Variants in MRPL21 observed in about 807,000 individuals in gnomAD.
MRPL21 encodes mitochondrial ribosomal protein L21, also known as large ribosomal subunit protein bL21m.
A neutral mutation model predicts 27.3 loss-of-function variants in MRPL21; 20 were observed. The observed-to-expected ratio is 0.73, with a 90% CI of 0.52 to 1.06. MRPL21 has a LOEUF of 1.06. Among genes scored for constraint, MRPL21 ranks in the 50% least tolerant of loss-of-function variants. The probability of loss-of-function intolerance (pLI) is 0.00; values close to 1 mark genes in which losing one functional copy is unlikely to be tolerated. For synonymous variants in MRPL21, 98 were observed against 101.5 expected, an observed-to-expected ratio of 0.97 and a Z score of 0.21; for missense variants, 249 against 251.4, an observed-to-expected ratio of 0.99 and a Z score of 0.06.
At chr11:68,892,693 G>T in intron 6 of MRPL21, 197 bp downstream of exon 6, 1 of 1,523,772 alleles carries the variant, frequency 6.6e-7, no homozygotes, top group Non-Finnish European at 8.8e-7. Flanking sequence ...CGCGTGGAGC[G>T]TGGAGGAGAA....
chr11:68,893,272 T>C, intron 5 of MRPL21, 131 bp downstream of exon 5: 4 of 1,508,786 alleles, frequency 2.7e-6, no homozygotes, highest in Non-Finnish European at 3.6e-6. Flanking sequence ...TATTATTAAG[T>C]ATAAATGTTG....
intron 6 of MRPL21, 57 bp downstream of exon 6, chr11:68,892,833 T>C (rs1439687590): frequency 1.9e-6 from 3 of 1,584,076 alleles, no homozygotes; most frequent in Non-Finnish European, 2.6e-6. Context: ...TCCGTCCGCA[T>C]GCGCCTGGGC....
chr11:68,893,874 C>A (rs558814986), intron 4 of MRPL21, among the ~76,000 whole-genome samples: 2 of 152,246 alleles, frequency 1.3e-5, no homozygotes, highest in Admixed American at 6.5e-5. Context: ...GAGATGGAGA[C>A]CATCCTGGCT....
chr11:68,896,817 G>A (rs1190653399), intron 3 of MRPL21, 139 bp from the exon 4 acceptor site: 20 of 1,130,044 alleles, frequency 1.8e-5, no homozygotes, highest in African/African-American at 3.1e-5. Flanking sequence ...CACTGCTGGC[G>A]GCCCAGCCCC....
chr11:68,903,814 C>G lies in MRPL21; in HGVS notation c.-4G>C, dbSNP rs756279426. 6.2e-6 allele frequency: 10 copies of G among 1,612,612 alleles called. No homozygotes were observed. The East Asian group carries it at 2.0e-4, about 32-fold the overall frequency. Reference sequence around the variant, plus strand: ...CCGTCAGGGAAGATGCTGCCATGGCCGCAGCCTCGGCCGGAAACGGAAACG... The same window carrying G: ...CCGTCAGGGAAGATGCTGCCATGGCGGCAGCCTCGGCCGGAAACGGAAACG... On this transcript the variant is annotated 5_prime_UTR_variant, in exon 1 of 7. Coordinates refer to ENST00000362034, the MANE Select transcript of MRPL21 (RefSeq NM_181514.2).
At chr11:68,902,967 G>A (rs2154006233) in intron 1 of MRPL21, among the ~76,000 whole-genome samples, 1 of 152,230 alleles carries the variant, frequency 6.6e-6, no homozygotes, top group East Asian at 1.9e-4. Flanking sequence ...GTCTCTTCAT[G>A]ACTCATTTCT....
chr11:68,892,812 G>C, intron 6 of MRPL21, 78 bp downstream of exon 6: 1 of 1,566,112 alleles, frequency 6.4e-7, no homozygotes, highest in Non-Finnish European at 8.7e-7. Flanking sequence ...AGACCCACGT[G>C]CCCCACACCC....
chr11:68,900,145 T>C (rs926489224), intron 2 of MRPL21, among the ~76,000 whole-genome samples: 8 of 152,208 alleles, frequency 5.3e-5, no homozygotes, highest in African/African-American at 1.9e-4. Flanking sequence ...AAATAATGAG[T>C]TTCTCTTAGA....
intron 2 of MRPL21, among the ~76,000 whole-genome samples, chr11:68,899,517 G>C (rs1857883696): frequency 6.6e-6 from 1 of 152,110 alleles, no homozygotes; most frequent in South Asian, 2.1e-4. Flanking sequence ...ATCTGTGGTT[G>C]GTCAATGACC....
rs1858045694 is a variant in MRPL21 at position 68,903,780 on chromosome 11, C to T, written c.31G>A (p.Gly11Arg). Residue 11 changes from glycine (G) to arginine (R), a missense_variant, in exon 1 of 7, where the codon GGG becomes AGG. Transcript: ENST00000362034. ...TGGCTGCACGCGGACGCCAGCCGCC[C>T]TAAGGTGACCGTCAGGGAAGATGCT... Reference protein sequence around the residue: MAASSLTVTLGRLASACSHSI... With the variant: MAASSLTVTLRRLASACSHSI... 2 of 1,612,924 alleles carry T rather than the reference C, an allele frequency of 1.2e-6. No homozygotes were observed. The highest frequency in any genetic ancestry group is 4.5e-5 in the East Asian group (2 of 44,874).
At chr11:68,894,044 A>C (rs930060957) in intron 4 of MRPL21, among the ~76,000 whole-genome samples, 4 of 18,564 alleles carry the variant, frequency 2.2e-4, no homozygotes, top group African/African-American at 6.9e-4. Flanking sequence ...CAAATAAACA[A>C]AAAAAAACAA....
chr11:68,893,245 G>A, intron 5 of MRPL21, 158 bp downstream of exon 5: 1 of 1,451,264 alleles, frequency 6.9e-7, no homozygotes, highest in Non-Finnish European at 9.1e-7. Flanking sequence ...ATGTTCTCAT[G>A]GGCCCTAAAT....
chr11:68,901,003 T>C (rs1857920873), intron 1 of MRPL21, among the ~76,000 whole-genome samples: 3 of 152,180 alleles, frequency 2.0e-5, no homozygotes, highest in Admixed American at 1.3e-4. Flanking sequence ...CAACAGCTAG[T>C]GACAGACATG....
chr11:68,891,803 T>C (rs913928265), intron 6 of MRPL21: 3 of 459,188 alleles, frequency 6.5e-6, no homozygotes, highest in African/African-American at 3.9e-5. Flanking sequence ...TCTGGGTATA[T>C]TTAACTATGC....
intron 3 of MRPL21, 139 bp downstream of exon 3, chr11:68,897,788 T>A: frequency 1.6e-6 from 1 of 630,028 alleles, no homozygotes; most frequent in African/African-American, 1.8e-5. Flanking sequence ...AAAATGGACA[T>A]GAGTGCTGGC....
intron 4 of MRPL21, among the ~76,000 whole-genome samples, chr11:68,894,042 CA>C (rs34006716): frequency 0.66 from 99,355 of 151,294 alleles, 32,703 homozygotes; most frequent in South Asian, 0.76. Flanking sequence ...AACAAATAAA[CA>C]AAAAAAAACA....
chr11:68,895,623 C>A (rs1857768228), intron 4 of MRPL21, among the ~76,000 whole-genome samples: 2 of 152,214 alleles, frequency 1.3e-5, no homozygotes, highest in South Asian at 4.1e-4. Context: ...GCACTCCAGC[C>A]TGGGTGACAG....
At chr11:68,900,697 G>T in intron 1 of MRPL21, 92 bp from the exon 2 acceptor site, 1 of 1,158,536 alleles carries the variant, frequency 8.6e-7, no homozygotes, top group Non-Finnish European at 1.3e-6. Context: ...GCTGCTCCTG[G>T]TACATGGTAT....
chr11:68,896,842 C>T, intron 3 of MRPL21, 164 bp from the exon 4 acceptor site: 2 of 795,700 alleles, frequency 2.5e-6, no homozygotes, highest in Non-Finnish European at 2.0e-6. Flanking sequence ...CCACCCCCTG[C>T]AGGCACAAGG....
Sources: allele counts gnomAD v4.1 joint callset (sites outside exome capture counted in the v4.1 genomes callset), GRCh38; gene constraint gnomAD v4.1.1; transcripts MANE v1.5; gene names NCBI Gene and HGNC (gene_info 2026-07-23, HGNC 2026-07-21).